Variants in ABCC11 observed in about 807,000 individuals in gnomAD.
ABCC11 encodes the protein ATP binding cassette subfamily C member 11.
ABCC11 carries 135 observed loss-of-function variants against 149.3 expected under a neutral mutation model. The observed-to-expected ratio is 0.90, with a 90% CI of 0.79 to 1.04. ABCC11 has a LOEUF of 1.04. Ranked by LOEUF, ABCC11 falls within the 50% of genes least tolerant of loss-of-function variation. The probability of loss-of-function intolerance (pLI) is 0.00; values close to 1 mark genes in which losing one functional copy is unlikely to be tolerated. For synonymous variants in ABCC11, 665 were observed against 671.4 expected, an observed-to-expected ratio of 0.99 and a Z score of 0.15; for missense variants, 1,680 against 1,722.1, an observed-to-expected ratio of 0.98 and a Z score of 0.43.
chr16:48,244,897 T>C (rs150103266), intron 1 of ABCC11, among the ~76,000 whole-genome samples: 224 of 152,326 alleles, frequency 1.5e-3, no homozygotes, highest in African/African-American at 5.2e-3. Flanking sequence ...CTTCCCCCTC[T>C]CCGCAATTCC....
At position 48,187,014 on chromosome 16, in the gene ABCC11, T is replaced by A. The variant is rs1338791825; in HGVS notation, c.3010A>T (p.Asn1004Tyr). The change falls in exon 22 of 30, where the codon AAT becomes TAT. Residue 1004 changes from asparagine to tyrosine, a missense_variant. Asn to Tyr is a moderately radical substitution (Grantham distance 143, BLOSUM62 -2). Transcript: ENST00000356608. The part of the protein sequence containing the change: ...SRSPLFSHIL[N>Y]SLQGLSSIHV... ...ATGGAGCTCAGGCCTTGCAGAGAATTGAGGATGTGGGAGAATAAAGGAGAC... is the reference window on the plus strand; with the variant it reads ...ATGGAGCTCAGGCCTTGCAGAGAATAGAGGATGTGGGAGAATAAAGGAGAC... The A allele has an allele frequency of 6.2e-7, 1 of 1,614,146 alleles. No individual in the cohort carries two copies. Among genetic ancestry groups the A allele is most frequent in the Non-Finnish European group, 8.5e-7 (1 of 1,180,026 alleles).
chr16:48,224,505 G>C, intron 4 of ABCC11, 76 bp from the exon 5 acceptor site: 9 of 1,522,702 alleles, frequency 5.9e-6, no homozygotes, highest in Non-Finnish European at 8.0e-6. Context: ...TGCTAGCCAG[G>C]AGCTTTGTTG....
At chr16:48,184,196 T>G (rs1307957654) in intron 23 of ABCC11, among the ~76,000 whole-genome samples, 2 of 152,348 alleles carry the variant, frequency 1.3e-5, no homozygotes, top group East Asian at 3.9e-4. Flanking sequence ...GGGCTCCCCT[T>G]CACTCCCAGT....
chr16:48,169,957 CTGT>C (rs760834616), intron 28 of ABCC11, 145 bp downstream of exon 28: 1,254 of 560,004 alleles, frequency 2.2e-3, no homozygotes, highest in East Asian at 3.4e-3. Context: ...GATTCTGTTG[CTGT>C]TGTTGTTGTT....
chr16:48,222,469 G>T, intron 6 of ABCC11, 129 bp downstream of exon 6: 2 of 756,466 alleles, frequency 2.6e-6, no homozygotes, highest in East Asian at 2.7e-5. Context: ...CTCAACCTAG[G>T]AATTATTTTC....
intron 20 of ABCC11, among the ~76,000 whole-genome samples, chr16:48,190,101 C>T (rs1966860048): frequency 6.6e-6 from 1 of 152,160 alleles, no homozygotes; most frequent in South Asian, 2.1e-4. Flanking sequence ...TGCCCTCAAG[C>T]TAAGACAAGG....
chr16:48,197,872 G>C, intron 17 of ABCC11, 99 bp downstream of exon 17: 2 of 1,287,766 alleles, frequency 1.6e-6, no homozygotes, highest in Non-Finnish European at 2.2e-6. Context: ...AAGACACTGA[G>C]GGACATGGCC....
At chr16:48,247,174 C>A (rs73555652) in intron 1 of ABCC11, 140 bp downstream of exon 1, 4 of 149,196 alleles carry the variant, frequency 2.7e-5, no homozygotes, top group African/African-American at 7.4e-5. Context: ...TAATAGTTTC[C>A]AATGTCTTTT....
At chr16:48,175,533 C>T (rs1281276440) in intron 25 of ABCC11, 116 bp from the exon 26 acceptor site, 20 of 1,246,818 alleles carry the variant, frequency 1.6e-5, no homozygotes, top group East Asian at 1.0e-4. Context: ...TTCTTCATCA[C>T]TGTGAGCCCT....
At chr16:48,232,478 TC>T in intron 1 of ABCC11, among the ~76,000 whole-genome samples, 2 of 152,318 alleles carry the variant, frequency 1.3e-5, no homozygotes, top group East Asian at 1.9e-4. Context: ...TTCCCTGCTT[TC>T]ACTCTTGGTT....
At chr16:48,198,703 T>C (rs1967663509) in intron 15 of ABCC11, among the ~76,000 whole-genome samples, 1 of 151,954 alleles carries the variant, frequency 6.6e-6, no homozygotes, top group Admixed American at 6.6e-5. Context: ...AAATAAATTC[T>C]GGTACATTCA....
intron 23 of ABCC11, among the ~76,000 whole-genome samples, chr16:48,180,784 T>C (rs1218847867): frequency 6.6e-6 from 1 of 152,162 alleles, no homozygotes; most frequent in Admixed American, 6.5e-5. Flanking sequence ...AGTGACATGA[T>C]GAAAACTATA....
intron 22 of ABCC11, among the ~76,000 whole-genome samples, chr16:48,186,308 A>C (rs1465983607): frequency 1.3e-5 from 2 of 152,188 alleles, no homozygotes; most frequent in African/African-American, 2.4e-5. Context: ...TTCCCCTCTG[A>C]ATTCCCAAGC....
downstream of ABCC11, chr16:48,165,076 A>G (rs1965292326): frequency 6.6e-6 from 1 of 151,992 alleles, no homozygotes; most frequent in African/African-American, 2.4e-5. Context: ...CAAGGAAAAG[A>G]CGGCAGCTGC....
At chr16:48,244,967 TC>T (rs1401228791) in intron 1 of ABCC11, among the ~76,000 whole-genome samples, 4 of 152,126 alleles carry the variant, frequency 2.6e-5, no homozygotes, top group Non-Finnish European at 5.9e-5. Flanking sequence ...CCTTTCTTTC[TC>T]CCCGGTGATC....
intron 6 of ABCC11, among the ~76,000 whole-genome samples, chr16:48,217,271 A>G (rs767283680): frequency 7.9e-5 from 12 of 151,628 alleles, no homozygotes; most frequent in Non-Finnish European, 1.3e-4. Flanking sequence ...CTTTTTTGTT[A>G]TAGATTCTTC....
chr16:48,211,408 G>T (rs1215969263), intron 10 of ABCC11, among the ~76,000 whole-genome samples: 4 of 152,092 alleles, frequency 2.6e-5, no homozygotes, highest in Non-Finnish European at 5.9e-5. Context: ...CAGACCACCG[G>T]GCCACTCTTC....
intron 10 of ABCC11, 100 bp downstream of exon 10, chr16:48,213,343 A>T: frequency 9.8e-7 from 1 of 1,019,574 alleles, no homozygotes; most frequent in Non-Finnish European, 1.5e-6. Context: ...CTCTCGACCT[A>T]GGCCTTGGCC....
intron 1 of ABCC11, among the ~76,000 whole-genome samples, chr16:48,244,958 C>G (rs1388384385): frequency 1.3e-5 from 2 of 152,176 alleles, no homozygotes; most frequent in African/African-American, 4.8e-5. Flanking sequence ...TTTCCAGGCC[C>G]TTTCTTTCTC....
Sources: gnomAD v4.1 joint callset for allele counts (sites outside exome capture counted in the v4.1 genomes callset) on GRCh38, gnomAD v4.1.1 for gene constraint, MANE v1.5 for transcripts, NCBI Gene and HGNC (gene_info 2026-07-23, HGNC 2026-07-21) for gene names.